Variants in INSL6 observed in about 807,000 individuals in gnomAD.
The protein encoded by INSL6 is insulin like 6.
Under a neutral mutation model 9.4 loss-of-function variants are expected in INSL6, and 16 were observed. The ratio of observed to expected loss-of-function variants is 1.70; its 90% confidence interval spans 1.15 to 2.59. The LOEUF (loss-of-function observed/expected upper bound fraction) is 2.59. Among genes scored for constraint, INSL6 ranks in the 30% most tolerant of loss-of-function variants. The probability of loss-of-function intolerance (pLI) is 0.00; values close to 1 mark genes in which losing one functional copy is unlikely to be tolerated. For missense variants in INSL6, 391 were observed against 257.3 expected, an observed-to-expected ratio of 1.52 and a Z score of -3.56; for synonymous variants, 154 against 96.9, an observed-to-expected ratio of 1.59 and a Z score of -3.46.
At chr9:4,996,560 A>G in the INSL6 span, among the ~76,000 whole-genome samples, 5 of 151,512 alleles carry the variant, frequency 3.3e-5, no homozygotes, top group African/African-American at 1.2e-4. Flanking sequence ...GGTATTGTAG[A>G]TTTTTTGGTT....
At chr9:4,998,548 C>A in the INSL6 span, among the ~76,000 whole-genome samples, 1 of 152,226 alleles carries the variant, frequency 6.6e-6, no homozygotes, top group African/African-American at 2.4e-5. Flanking sequence ...AGCCACCATG[C>A]CCGGCCAAAA....
chr9:5,080,293 G>A, the INSL6 span: 109 of 1,613,414 alleles, frequency 6.8e-5, no homozygotes, highest in Non-Finnish European at 8.7e-5. Context: ...ATTTAAATTT[G>A]GCAACAGACA....
At chr9:5,085,794 C>T in the INSL6 span, 15 of 755,072 alleles carry the variant, frequency 2.0e-5, no homozygotes, top group South Asian at 5.5e-5. Flanking sequence ...ATTACATGCT[C>T]GGGCCATTAG....
chr9:5,039,565 A>G, the INSL6 span, among the ~76,000 whole-genome samples: 1 of 152,172 alleles, frequency 6.6e-6, no homozygotes, highest in African/African-American at 2.4e-5. Flanking sequence ...TTCACAGATT[A>G]CATGATCTTG....
At chr9:4,995,725 A>T in the INSL6 span, among the ~76,000 whole-genome samples, 1 of 152,246 alleles carries the variant, frequency 6.6e-6, no homozygotes, top group Admixed American at 6.5e-5. Flanking sequence ...AAAATGAATA[A>T]ATCAAGCATT....
At chr9:5,047,329 A>T in the INSL6 span, among the ~76,000 whole-genome samples, 4 of 152,226 alleles carry the variant, frequency 2.6e-5, no homozygotes, top group African/African-American at 9.6e-5. Context: ...AGTTCTTAAG[A>T]CAGTACCTGT....
chr9:5,084,529 A>G, the INSL6 span, among the ~76,000 whole-genome samples: 1 of 152,154 alleles, frequency 6.6e-6, no homozygotes. Flanking sequence ...AAGAGAAATA[A>G]TGGTATATTT....
At chr9:5,151,421 T>C (rs1824710735) in intron 2 of INSL6, among the ~76,000 whole-genome samples, 1 of 151,600 alleles carries the variant, frequency 6.6e-6, no homozygotes, top group African/African-American at 2.4e-5. Flanking sequence ...GACAATTGAT[T>C]AAAACAAAGT....
At chr9:5,040,934 G>T in the INSL6 span, 1 of 397,918 alleles carries the variant, frequency 2.5e-6, no homozygotes, top group South Asian at 2.1e-5. Context: ...GCCTGGCCAT[G>T]GCGGAGCCAA....
chr9:5,057,296 T>C, the INSL6 span, among the ~76,000 whole-genome samples: 1 of 152,246 alleles, frequency 6.6e-6, no homozygotes, highest in South Asian at 2.1e-4. Flanking sequence ...TTGCTTATTA[T>C]TGCATTTTCC....
chr9:5,108,431 T>C, the INSL6 span: 1 of 152,116 alleles, frequency 6.6e-6, no homozygotes, highest in African/African-American at 2.4e-5. Context: ...CTTTAAATAC[T>C]TCAGATTCTC....
chr9:5,040,754 T>A, the INSL6 span, among the ~76,000 whole-genome samples: 2 of 152,240 alleles, frequency 1.3e-5, no homozygotes, highest in Non-Finnish European at 2.9e-5. Flanking sequence ...GGGACCGTGG[T>A]GTGCCAGGCG....
At chr9:5,058,126 T>C in the INSL6 span, among the ~76,000 whole-genome samples, 2 of 152,192 alleles carry the variant, frequency 1.3e-5, no homozygotes, top group Admixed American at 6.5e-5. Flanking sequence ...TTTTTGACAA[T>C]TGTGAGTAAT....
At chr9:5,021,274 A>G in the INSL6 span, among the ~76,000 whole-genome samples, 1 of 152,148 alleles carries the variant, frequency 6.6e-6, no homozygotes, top group East Asian at 1.9e-4. Context: ...TCTACTCGCT[A>G]TTTTGGTTCT....
At chr9:5,041,287 T>G in the INSL6 span, 2 of 1,000,254 alleles carry the variant, frequency 2.0e-6, no homozygotes, top group African/African-American at 3.2e-5. Flanking sequence ...AGGGGTACAC[T>G]GGTCTCAGGA....
chr9:5,086,392 T>A, the INSL6 span, among the ~76,000 whole-genome samples: 1 of 152,240 alleles, frequency 6.6e-6, no homozygotes, highest in African/African-American at 2.4e-5. Flanking sequence ...GGTGCAGATA[T>A]GGGATTCAGA....
At chr9:5,172,208 G>A (rs991179990) in intron 1 of INSL6, among the ~76,000 whole-genome samples, 1 of 152,060 alleles carries the variant, frequency 6.6e-6, no homozygotes, top group African/African-American at 2.4e-5. Flanking sequence ...ATCTGATCTT[G>A]GACAAACGTG....
At chr9:4,998,237 G>GA in the INSL6 span, among the ~76,000 whole-genome samples, 7 of 151,582 alleles carry the variant, frequency 4.6e-5, no homozygotes, top group Non-Finnish European at 8.8e-5. Context: ...GATCTTAAGG[G>GA]AAAAAAAACT....
At chr9:5,010,660 T>G in the INSL6 span, among the ~76,000 whole-genome samples, 96 of 152,204 alleles carry the variant, frequency 6.3e-4, no homozygotes, top group Non-Finnish European at 1.2e-3. Flanking sequence ...GGAAGAAGAA[T>G]AATATTATAA....
Sources: gnomAD v4.1 joint callset for allele counts (sites outside exome capture counted in the v4.1 genomes callset) on GRCh38, gnomAD v4.1.1 for gene constraint, MANE v1.5 for transcripts, NCBI Gene and HGNC (gene_info 2026-07-23, HGNC 2026-07-21) for gene names.